The following TMEM108 variants were observed in gnomAD, a reference collection of about 807,000 sequenced individuals.
The protein encoded by TMEM108 is transmembrane protein 108, also known as cancer/testis antigen 124.
A neutral mutation model predicts 35.1 loss-of-function variants in TMEM108; 12 were observed. That is an observed-to-expected ratio of 0.34 (90% CI 0.22 to 0.55). TMEM108 has a LOEUF of 0.55. Among genes scored for constraint, TMEM108 ranks in the 20% least tolerant of loss-of-function variants. The pLI is 0.89. For missense variants in TMEM108, 680 were observed against 753.3 expected (o/e 0.90, Z 1.14); for synonymous variants, 287 against 308.6 (o/e 0.93, Z 0.73).
intron 5 of TMEM108, among the ~76,000 whole-genome samples, chr3:133,392,131 A>G (rs976473486): frequency 7.1e-6 from 1 of 140,626 alleles, no homozygotes; most frequent in South Asian, 2.3e-4. Flanking sequence ...TCCTGCCACC[A>G]CTTCTCTTCT....
intron 3 of TMEM108, among the ~76,000 whole-genome samples, chr3:133,294,554 CT>C (rs2107698121): frequency 6.6e-6 from 1 of 152,224 alleles, no homozygotes; most frequent in African/African-American, 2.4e-5. Flanking sequence ...GATTTGCCTC[CT>C]ATGATAATTC....
At chr3:133,099,728 G>A (rs1183392920) in intron 2 of TMEM108, among the ~76,000 whole-genome samples, 1 of 152,172 alleles carries the variant, frequency 6.6e-6, no homozygotes, top group Non-Finnish European at 1.5e-5. Context: ...AACATAATAA[G>A]AGTCACCTTT....
intron 2 of TMEM108, among the ~76,000 whole-genome samples, chr3:133,105,173 T>C (rs1944134700): frequency 6.6e-6 from 1 of 152,166 alleles, no homozygotes; most frequent in South Asian, 2.1e-4. Flanking sequence ...TCAGGTGGCA[T>C]AGGGTCAAAA....
intron 2 of TMEM108, among the ~76,000 whole-genome samples, chr3:133,220,158 A>G (rs1576390964): frequency 7.7e-6 from 1 of 130,632 alleles, no homozygotes; most frequent in African/African-American, 2.8e-5. Context: ...CTCTCTTTTT[A>G]TTTCTGTTTG....
chr3:133,065,325 C>T (rs948205534), intron 2 of TMEM108, among the ~76,000 whole-genome samples: 16 of 152,224 alleles, frequency 1.1e-4, no homozygotes, highest in African/African-American at 3.6e-4. Context: ...CACACATGCA[C>T]AGAGATGTTC....
At chr3:133,083,824 T>G (rs1402453) in intron 2 of TMEM108, among the ~76,000 whole-genome samples, 70,961 of 151,840 alleles carry the variant, frequency 0.47, 18,019 homozygotes, top group Non-Finnish European at 0.57. Flanking sequence ...TGTTCACTTT[T>G]ATTCTATTGT....
chr3:133,293,906 G>T (rs1486455280), intron 3 of TMEM108, among the ~76,000 whole-genome samples: 1 of 152,152 alleles, frequency 6.6e-6, no homozygotes, highest in African/African-American at 2.4e-5. Context: ...ATTGCATCCA[G>T]TGGCAGCTGG....
At chr3:133,115,822 C>T (rs1445470526) in intron 2 of TMEM108, among the ~76,000 whole-genome samples, 1 of 152,186 alleles carries the variant, frequency 6.6e-6, no homozygotes, top group African/African-American at 2.4e-5. Flanking sequence ...GTTGCTGTCC[C>T]TGTTATTGCA....
chr3:133,218,793 GA>G (rs1945945871), intron 2 of TMEM108, among the ~76,000 whole-genome samples: 2 of 151,984 alleles, frequency 1.3e-5, no homozygotes, highest in Admixed American at 1.3e-4. Flanking sequence ...GCATTTTGTT[GA>G]GGATTTTTGT....
At chr3:133,173,440 G>C (rs976625405) in intron 2 of TMEM108, among the ~76,000 whole-genome samples, 1 of 152,208 alleles carries the variant, frequency 6.6e-6, no homozygotes, top group Non-Finnish European at 1.5e-5. Flanking sequence ...CTGTTCATCT[G>C]CTGAGGTCAA....
intron 2 of TMEM108, among the ~76,000 whole-genome samples, chr3:133,197,792 T>A (rs1945601353): frequency 6.6e-6 from 1 of 152,200 alleles, no homozygotes; most frequent in Non-Finnish European, 1.5e-5. Context: ...AGGTATCTGC[T>A]ACAGCAAATT....
chr3:133,057,479 A>ATATATATATATCTATATATATATATC (rs1559818494), intron 2 of TMEM108, among the ~76,000 whole-genome samples: 1 of 73,144 alleles, frequency 1.4e-5, no homozygotes, highest in African/African-American at 5.0e-5. Flanking sequence ...ATATATATAT[A>ATATATATATATCTATATATATATATC]TATATATGTG....
At chr3:133,136,757 G>A (rs1487109921) in intron 2 of TMEM108, among the ~76,000 whole-genome samples, 1 of 152,188 alleles carries the variant, frequency 6.6e-6, no homozygotes. Flanking sequence ...GCTGGTCAGG[G>A]AGTTTTGAAA....
In TMEM108 at chr3:133,223,281, G is replaced by A. The variant is rs373685062; in HGVS notation, c.-46-5985G>A. Among the ~76,000 whole-genome samples, 16 of 152,276 alleles carry A rather than the reference G, an allele frequency of 1.1e-4. No individual in the cohort carries two copies. In the East Asian group the frequency reaches 1.2e-3, roughly 11 times the overall value. Reference sequence around the variant, plus strand: ...CCTGTCCAGAGATTCTGAGCAGGTCGTCTGATGTTGTCCATTAGCAGGCAT... The same window carrying A: ...CCTGTCCAGAGATTCTGAGCAGGTCATCTGATGTTGTCCATTAGCAGGCAT... On this transcript the variant is annotated intron_variant, in intron 2 of 5. Coordinates refer to ENST00000321871, the MANE Select transcript of TMEM108 (RefSeq NM_023943.4).
intron 2 of TMEM108, among the ~76,000 whole-genome samples, chr3:133,093,762 T>TTA (rs1943977675): frequency 6.6e-6 from 1 of 152,112 alleles, no homozygotes; most frequent in Non-Finnish European, 1.5e-5. Flanking sequence ...TAAAACATTT[T>TTA]TATGCCTTTC....
rs74549910 is a variant in TMEM108, at chr3:133,114,453, A to C, written c.-47+68433A>C. The stretch of plus-strand genomic sequence containing the variant: ...ATAATGTAACTAAACAATAACATAA[A>C]CGCTAGAATTCCCAACTGTTCTTTT... On this transcript the variant is annotated intron_variant, in intron 2 of 5. Transcript: ENST00000321871. 4.4e-3 allele frequency among the ~76,000 whole-genome samples: 669 copies of C among 152,198 alleles called. 12 individuals are homozygous for C. The highest frequency in any genetic ancestry group is 0.032 in the East Asian group (163 of 5,172).
chr3:133,233,564 A>G lies in TMEM108; in HGVS notation c.40+4213A>G, dbSNP rs891120043. On this transcript the variant is annotated intron_variant, in intron 3 of 5. Transcript: ENST00000321871. Reference sequence around the variant, plus strand: ...CTTTGGGTATATACCCAGTAATGGGATGGCTGGGTCACATGGTATTTCTAG... The same window carrying G: ...CTTTGGGTATATACCCAGTAATGGGGTGGCTGGGTCACATGGTATTTCTAG... 5.9e-5 allele frequency among the ~76,000 whole-genome samples: 9 copies of G among 152,230 alleles called. No homozygotes were observed. In the East Asian group the frequency reaches 1.5e-3, roughly 26 times the overall value.
At chr3:133,265,440 G>T (rs941735541) in intron 3 of TMEM108, among the ~76,000 whole-genome samples, 2 of 152,196 alleles carry the variant, frequency 1.3e-5, no homozygotes, top group Admixed American at 6.5e-5. Flanking sequence ...ACTAGCACTT[G>T]CAGATAAAAT....
At chr3:133,372,886 G>C (rs75736577) in intron 3 of TMEM108, among the ~76,000 whole-genome samples, 4,805 of 152,306 alleles carry the variant, frequency 0.032, 101 homozygotes, top group Non-Finnish European at 0.048. Flanking sequence ...AAGAAGTGAA[G>C]TCACAGGCAT....
Sources: gnomAD v4.1 joint callset for allele counts (sites outside exome capture counted in the v4.1 genomes callset) on GRCh38, gnomAD v4.1.1 for gene constraint, MANE v1.5 for transcripts, NCBI Gene and HGNC (gene_info 2026-07-23, HGNC 2026-07-21) for gene names.